AKAP4: variants seen among roughly 807,000 people sequenced by gnomAD.
AKAP4 encodes A-kinase anchoring protein 4.
In AKAP4, 4 loss-of-function variants were observed where a neutral mutation model predicts 42.6. The observed-to-expected ratio is 0.09, with a 90% CI of 0.05 to 0.22. The LOEUF (loss-of-function observed/expected upper bound fraction) is 0.22. Among genes scored for constraint, AKAP4 ranks in the 10% least tolerant of loss-of-function variants. The pLI is 1.00. For missense variants in AKAP4, 551 were observed against 630.7 expected (o/e 0.87, Z 1.35); for synonymous variants, 223 against 233.0 (o/e 0.96, Z 0.39).
rs1426524351 is a variant in AKAP4, at chrX:50,193,062, G to C, written c.1651C>G (p.Leu551Val). ...AKDLIVSALK[L>V]IQYHLTQQTK... ...TGCTGGGTCAGATGGTACTGGATCA[G>C]CTTAAGGGCAGAGACAATCAGGTCC... The change falls in exon 5 of 6, where the codon CTG (leucine) becomes GTG (valine). Residue 551 changes from leucine (L) to valine (V), a missense_variant. Coordinates refer to ENST00000358526, the MANE Select transcript of AKAP4 (RefSeq NM_003886.3). 3 of 1,210,191 alleles carry C rather than the reference G, an allele frequency of 2.5e-6. No homozygotes were observed. The highest frequency in any genetic ancestry group is 1.7e-5 in the African/African-American group (1 of 57,227).
rs200939746 is a variant in AKAP4 at position 50,192,688 on chromosome X, T to C, written c.2025A>G (p.Glu675=). The C allele has an allele frequency of 8.3e-7, 1 of 1,210,380 alleles. No homozygotes were observed. Among genetic ancestry groups the C allele is most frequent in the Non-Finnish European group, 1.1e-6 (1 of 895,395 alleles). The change falls in exon 5 of 6, where the codon GAA becomes GAG. Residue 675 remains glutamate (E), a synonymous_variant. Transcript: ENST00000358526. ...CAAGTTCTTGATGCTCCTGGCATTGTTCTTCCGCTTTGTCAGATCTGTTGG... is the reference window on the plus strand; with the variant it reads ...CAAGTTCTTGATGCTCCTGGCATTGCTCTTCCGCTTTGTCAGATCTGTTGG... ...SMSNRSDKAE[E]QCQEHQELDC...
intron 2 of AKAP4, among the ~76,000 whole-genome samples, chrX:50,198,290 A>G (rs1557204547): frequency 9.0e-6 from 1 of 111,307 alleles, no homozygotes; most frequent in Non-Finnish European, 1.9e-5. Flanking sequence ...GAAGTTTGGG[A>G]AACAGACCAT....
intron 4 of AKAP4, among the ~76,000 whole-genome samples, chrX:50,196,649 A>G (rs1198283968): frequency 3.6e-5 from 4 of 111,584 alleles, no homozygotes; most frequent in Non-Finnish European, 5.6e-5. Context: ...TTATGATTGG[A>G]TGGGTAGCTG....
Position 50,200,979 on chromosome X carries a change from C to T in AKAP4, c.-90G>A. The T allele has an allele frequency of 1.1e-6, 1 of 896,748 alleles. No homozygotes were observed. The highest frequency in any genetic ancestry group is 1.6e-6 in the Non-Finnish European group (1 of 613,835). The allele number at this position is 896,748 out of a possible 1,213,427, so 73.9% of individuals were successfully genotyped here. A position where few individuals can be genotyped will look rare whatever the true frequency, so the allele number is the denominator to read the frequency against. On this transcript the variant is annotated 5_prime_UTR_variant, in exon 1 of 6. Coordinates refer to ENST00000358526, the MANE Select transcript of AKAP4 (RefSeq NM_003886.3). ...CAAGATACTGCTTTTTTCTTCAACT[C>T]TCCATGCCCTCCTACAGCCTTGACT...
intron 2 of AKAP4, 80 bp downstream of exon 2, chrX:50,198,577 A>G (rs904880874): frequency 2.5e-5 from 18 of 725,743 alleles, no homozygotes; most frequent in Non-Finnish European, 3.8e-5. Context: ...ATCGTCCATT[A>G]GTTTATCTTG....
chrX:50,193,463 T>A lies in AKAP4; in HGVS notation c.1250A>T (p.Gln417Leu). 8.3e-7 allele frequency: 1 copy of A among 1,212,046 alleles called. No homozygotes were observed. The highest frequency in any genetic ancestry group is 1.1e-6 in the Non-Finnish European group (1 of 895,619). ...GGCCTCCATGATGTCTGTAGCATTT[T>A]GTTTCCACTGGTTGAACAGATTTCT... ...VKRNLFNQWKQNATDIMEAML... is the reference protein window; with the variant it reads ...VKRNLFNQWKLNATDIMEAML... The change falls in exon 5 of 6, where the codon CAA becomes CTA. Residue 417 changes from glutamine (Q) to leucine (L), a missense_variant. Coordinates refer to ENST00000358526, the MANE Select transcript of AKAP4 (RefSeq NM_003886.3).
chrX:50,192,877 A>C lies in AKAP4; in HGVS notation c.1836T>G (p.Cys612Trp). 1 of 1,211,791 alleles carries C rather than the reference A, an allele frequency of 8.3e-7. No homozygotes were observed. The highest frequency in any genetic ancestry group is 1.1e-6 in the Non-Finnish European group (1 of 895,501). Residue 612 changes from cysteine to tryptophan, a missense_variant, in exon 5 of 6, where the codon TGT becomes TGG. By Grantham distance (215) the Cys-to-Trp change is radical (BLOSUM62 -2). Transcript: ENST00000358526. The stretch of plus-strand genomic sequence containing the variant: ...AGTCCAGGTGTTGGTTCTCCTTTTG[A>C]CAGGTGGATGGTCCAGGGGCTCTGT... ...ESHRAPGPST[C>W]QKENQHLDSQ... is the part of the protein sequence containing the mutation.
intron 3 of AKAP4, among the ~76,000 whole-genome samples, chrX:50,197,313 T>G (rs1289590710): frequency 1.8e-5 from 2 of 110,767 alleles, no homozygotes; most frequent in African/African-American, 6.6e-5. Context: ...CCATGTTTTA[T>G]CTCTTTCAGT....
At chrX:50,191,458 T>C (rs1557203568) in intron 5 of AKAP4, among the ~76,000 whole-genome samples, 2 of 111,426 alleles carry the variant, frequency 1.8e-5, no homozygotes. Flanking sequence ...TGCTGATTGC[T>C]AGGTCAAGGT....
intron 5 of AKAP4, among the ~76,000 whole-genome samples, 179 bp from the exon 6 acceptor site, chrX:50,191,294 G>A (rs1557203549): frequency 9.0e-6 from 1 of 111,521 alleles, no homozygotes; most frequent in South Asian, 3.8e-4. Context: ...ACTAGAGGCT[G>A]CTGACACATC....
chrX:50,191,657 T>TGA (rs1243231275), intron 5 of AKAP4, among the ~76,000 whole-genome samples: 6 of 46,290 alleles, frequency 1.3e-4, no homozygotes, highest in African/African-American at 6.7e-4. Context: ...TGTGTGTGTG[T>TGA]GTGAGAGAGA....
At chrX:50,196,122 T>C (rs782215819) in intron 4 of AKAP4, among the ~76,000 whole-genome samples, 1 of 112,248 alleles carries the variant, frequency 8.9e-6, no homozygotes, top group East Asian at 2.8e-4. Flanking sequence ...CATACCCAAG[T>C]AAACTGAAAA....
rs1364494924 is a variant in AKAP4 at position 50,194,065 on chromosome X, G to A, written c.648C>T (p.Asp216=). 4.1e-6 allele frequency: 5 copies of A among 1,211,512 alleles called. No homozygotes were observed. Among genetic ancestry groups the A allele is most frequent in the East Asian group, 3.0e-5 (1 of 33,835 alleles). The part of the protein sequence containing the change: ...ISPDGECSID[D]LSFYVNRLSS... ...ATAGTCGGTTGACGTAGAAGGAAAG[G>A]TCATCTATAGAACATTCTCCATCAG... The change falls in exon 5 of 6, where the codon GAC becomes GAT. Residue 216 remains aspartate, a synonymous_variant. Transcript: ENST00000358526.
Position 50,191,123 on chromosome X carries a change from G to A in AKAP4, c.2410-8C>T, listed in dbSNP as rs782210363. The stretch of plus-strand genomic sequence containing the variant: ...AGCTGAAACCTGAGGAAGCTGTGGG[G>A]AAAACAGAGCTAGTGTGAGTTGCGT... On this transcript the variant is annotated splice_polypyrimidine_tract_variant and splice_region_variant and intron_variant, in intron 5 of 5. Coordinates refer to ENST00000358526, the MANE Select transcript of AKAP4 (RefSeq NM_003886.3). 7.5e-6 allele frequency: 9 copies of A among 1,205,538 alleles called. No homozygotes were observed. In the African/African-American group the frequency reaches 1.6e-4, roughly 21 times the overall value.
At chrX:50,191,239 C>T (rs1029805282) in intron 5 of AKAP4, 124 bp from the exon 6 acceptor site, 55 of 723,568 alleles carry the variant, frequency 7.6e-5, no homozygotes, top group Middle Eastern at 3.4e-4. Context: ...ACCACCTTCC[C>T]GCCCATGATT....
At chrX:50,191,242 C>A in intron 5 of AKAP4, 127 bp from the exon 6 acceptor site, 1 of 717,794 alleles carries the variant, frequency 1.4e-6, no homozygotes, top group Non-Finnish European at 2.0e-6. Context: ...ACCTTCCCGC[C>A]CATGATTCTA....
rs1557203763 is a variant in AKAP4 at position 50,192,515 on chromosome X, T to C, written c.2198A>G (p.Lys733Arg). 3 of 1,211,604 alleles carry C rather than the reference T, an allele frequency of 2.5e-6. No individual in the cohort carries two copies. The Admixed American group carries it at 6.5e-5, about 26-fold the overall frequency. The change falls in exon 5 of 6, where the codon AAG (lysine) becomes AGG (arginine). Residue 733 changes from lysine (K) to arginine (R), a missense_variant. Transcript: ENST00000358526. Reference protein sequence around the residue: ...ELEEQAASANKPNFRGTRCIH... With the variant: ...ELEEQAASANRPNFRGTRCIH... ...GCATCTGGTGCCCCTGAAATTGGGC[T>C]TATTTGCCGAGGCTGCTTGTTCTTC...
rs782540883 is a variant in AKAP4, at chrX:50,195,003, C to A, written c.277-567G>T. ...GTGTGTCTCTGAATATGTAAATGAGCAAGTGTCAATTTCAGTAATCTGCAT... is the reference window on the plus strand; with the variant it reads ...GTGTGTCTCTGAATATGTAAATGAGAAAGTGTCAATTTCAGTAATCTGCAT... On this transcript the variant is annotated intron_variant, in intron 4 of 5. Transcript: ENST00000358526. Among the ~76,000 whole-genome samples, 6 of 111,711 alleles carry A rather than the reference C, an allele frequency of 5.4e-5. No homozygotes were observed. In the Admixed American group the frequency reaches 5.7e-4, roughly 11 times the overall value.
chrX:50,197,687 G>C, intron 2 of AKAP4, 93 bp from the exon 3 acceptor site: 1 of 792,711 alleles, frequency 1.3e-6, no homozygotes, highest in Non-Finnish European at 1.8e-6. Context: ...CTACCTCAGA[G>C]GGTTCTTGTG....
Sources: allele counts gnomAD v4.1 joint callset (sites outside exome capture counted in the v4.1 genomes callset), GRCh38; gene constraint gnomAD v4.1.1; transcripts MANE v1.5; gene names NCBI Gene and HGNC (gene_info 2026-07-23, HGNC 2026-07-21).